The following KCNH7 variants were observed in gnomAD, a reference collection of about 807,000 sequenced individuals.
KCNH7 encodes potassium voltage-gated channel subfamily H member 7.
KCNH7 carries 49 observed loss-of-function variants against 120.8 expected under a neutral mutation model. That is an observed-to-expected ratio of 0.41 (90% CI 0.32 to 0.51). KCNH7 has a LOEUF of 0.51. Ranked by LOEUF, KCNH7 falls within the 20% of genes least tolerant of loss-of-function variation. The probability of loss-of-function intolerance (pLI) is 0.38; values close to 1 mark genes in which losing one functional copy is unlikely to be tolerated. For missense variants in KCNH7, 1,097 were observed against 1,446.6 expected (o/e 0.76, Z 3.92); for synonymous variants, 547 against 516.1 (o/e 1.06, Z -0.81).
chr2:162,479,673 ATGTGTG>A (rs71009359), intron 6 of KCNH7, among the ~76,000 whole-genome samples: 141 of 145,266 alleles, frequency 9.7e-4, no homozygotes, highest in Non-Finnish European at 1.5e-3. Context: ...GTGTGTGTGC[ATGTGTG>A]TGTGTGTGTG....
At chr2:162,481,299 A>G (rs909646439) in intron 6 of KCNH7, among the ~76,000 whole-genome samples, 3 of 152,194 alleles carry the variant, frequency 2.0e-5, no homozygotes, top group African/African-American at 7.2e-5. Flanking sequence ...CTTGGAAATG[A>G]CACTAAACTT....
At chr2:162,575,200 T>C (rs944799079) in intron 2 of KCNH7, among the ~76,000 whole-genome samples, 9 of 152,040 alleles carry the variant, frequency 5.9e-5, no homozygotes, top group East Asian at 1.9e-4. Context: ...AGCCTTCTAT[T>C]TGGGGACACA....
chr2:162,607,220 C>CAAAAAAAAAAAA (rs34786286), intron 2 of KCNH7, among the ~76,000 whole-genome samples: 1 of 111,962 alleles, frequency 8.9e-6, no homozygotes, highest in Non-Finnish European at 2.0e-5. Context: ...ACTAAAAATA[C>CAAAAAAAAAAAA]AAAAAAAAAA....
chr2:162,371,954 G>T lies in KCNH7; in HGVS notation c.3466C>A (p.Leu1156Met). 2 of 1,613,832 alleles carry T rather than the reference G, an allele frequency of 1.2e-6. No homozygotes were observed. The highest frequency in any genetic ancestry group is 2.2e-5 in the East Asian group (1 of 44,838). ...TGAACGTAAGTTTTTCTTTGCCGCAGGTGAAGCTCTAAAGAGAGATCACTG... is the reference window on the plus strand; with the variant it reads ...TGAACGTAAGTTTTTCTTTGCCGCATGTGAAGCTCTAAAGAGAGATCACTG... ...QDSDLSLELH[L>M]RQRKTYVHPI... The change falls in exon 16 of 16, where the codon CTG becomes ATG. Residue 1156 changes from leucine (L) to methionine (M), a missense_variant. Coordinates refer to ENST00000332142, the MANE Select transcript of KCNH7 (RefSeq NM_033272.4).
chr2:162,564,810 C>G (rs183068010), intron 2 of KCNH7, among the ~76,000 whole-genome samples: 21 of 152,176 alleles, frequency 1.4e-4, no homozygotes, highest in Admixed American at 1.2e-3. Flanking sequence ...TTAGCATATT[C>G]GTGTCACTAT....
chr2:162,780,423 A>G (rs1364327464), intron 2 of KCNH7, among the ~76,000 whole-genome samples: 2 of 152,150 alleles, frequency 1.3e-5, no homozygotes, highest in Non-Finnish European at 2.9e-5. Context: ...TACTACCACT[A>G]CAAAAAGTGA....
At chr2:162,391,892 A>T (rs985882964) in intron 12 of KCNH7, among the ~76,000 whole-genome samples, 2 of 152,052 alleles carry the variant, frequency 1.3e-5, no homozygotes, top group African/African-American at 4.8e-5. Flanking sequence ...AGAACAGCTT[A>T]ATAGTAGTGG....
chr2:162,539,615 T>C (rs115690993), intron 2 of KCNH7, among the ~76,000 whole-genome samples: 3,274 of 151,648 alleles, frequency 0.022, 104 homozygotes, highest in African/African-American at 0.075. Context: ...GTACTAAAAA[T>C]CATAAAATTA....
chr2:162,746,767 T>G (rs564469463), intron 2 of KCNH7, among the ~76,000 whole-genome samples: 89 of 152,254 alleles, frequency 5.8e-4, no homozygotes, highest in Non-Finnish European at 1.1e-3. Flanking sequence ...AAAGAAAACT[T>G]ATGGATAGTA....
At chr2:162,673,044 A>G (rs1685412459) in intron 2 of KCNH7, among the ~76,000 whole-genome samples, 1 of 152,088 alleles carries the variant, frequency 6.6e-6, no homozygotes, top group Non-Finnish European at 1.5e-5. Context: ...AAAAGGTTGT[A>G]TCAATACTTT....
At chr2:162,705,082 C>A (rs1686650351) in intron 2 of KCNH7, among the ~76,000 whole-genome samples, 1 of 152,008 alleles carries the variant, frequency 6.6e-6, no homozygotes, top group Admixed American at 6.6e-5. Context: ...ATGTGGAAAT[C>A]ATTGTCATAC....
rs34251777 is a variant in KCNH7 at position 162,550,886 on chromosome 2, G to GATAATAATAATA, written c.308-13818_308-13807dup. On this transcript the variant is annotated intron_variant, in intron 2 of 15. Coordinates refer to ENST00000332142, the MANE Select transcript of KCNH7 (RefSeq NM_033272.4). ...AAGCAAAAATAACAAAACTAGGCTAGATAATAATAATAATAATAATAATAA... is the reference window on the plus strand; with the variant it reads ...AAGCAAAAATAACAAAACTAGGCTAGATAATAATAATAATAATAATAATAATAATAATAATAA... Among the ~76,000 whole-genome samples, 457 of 147,886 alleles carry GATAATAATAATA rather than the reference G, an allele frequency of 3.1e-3. 2 individuals carry two copies. The highest frequency in any genetic ancestry group is 0.01 in the African/African-American group (419 of 40,448).
At chr2:162,694,883 A>T (rs964457101) in intron 2 of KCNH7, among the ~76,000 whole-genome samples, 9 of 151,978 alleles carry the variant, frequency 5.9e-5, no homozygotes, top group Admixed American at 4.6e-4. Context: ...AGCTGGGACC[A>T]CAGGCATCTG....
intron 2 of KCNH7, among the ~76,000 whole-genome samples, chr2:162,581,343 A>G (rs960620330): frequency 1.3e-5 from 2 of 152,132 alleles, no homozygotes; most frequent in Non-Finnish European, 2.9e-5. Flanking sequence ...AATTTAATAA[A>G]TCAAACAACA....
At chr2:162,551,707 C>A (rs1574092177) in intron 2 of KCNH7, among the ~76,000 whole-genome samples, 1 of 152,034 alleles carries the variant, frequency 6.6e-6, no homozygotes. Flanking sequence ...AAAAATATTA[C>A]AAATAAATCA....
chr2:162,728,211 G>T (rs1687597540), intron 2 of KCNH7, among the ~76,000 whole-genome samples: 2 of 151,234 alleles, frequency 1.3e-5, no homozygotes, highest in South Asian at 2.1e-4. Context: ...GTAAGTAGTG[G>T]TTTATCACTG....
At chr2:162,628,618 C>T (rs1360870945) in intron 2 of KCNH7, among the ~76,000 whole-genome samples, 3 of 151,960 alleles carry the variant, frequency 2.0e-5, no homozygotes, top group East Asian at 3.9e-4. Flanking sequence ...AATAGGCCCC[C>T]GTGTGTGTTG....
At chr2:162,520,155 C>CTTTTTTTT (rs397873711) in intron 3 of KCNH7, among the ~76,000 whole-genome samples, 13 of 89,898 alleles carry the variant, frequency 1.4e-4, no homozygotes, top group African/African-American at 2.5e-4. Context: ...CAAGCCCAGG[C>CTTTTTTTT]TTTTTTTTTT....
At chr2:162,666,301 T>C (rs1371182328) in intron 2 of KCNH7, among the ~76,000 whole-genome samples, 2 of 152,142 alleles carry the variant, frequency 1.3e-5, no homozygotes, top group Non-Finnish European at 2.9e-5. Context: ...CTCTAACATC[T>C]TATTAATTAT....
Sources: allele counts gnomAD v4.1 joint callset (sites outside exome capture counted in the v4.1 genomes callset), GRCh38; gene constraint gnomAD v4.1.1; transcripts MANE v1.5; gene names NCBI Gene and HGNC (gene_info 2026-07-23, HGNC 2026-07-21).